AHCTF1: variants seen among roughly 807,000 people sequenced by gnomAD.
AHCTF1 encodes the protein AT-hook containing transcription factor 1, also known as protein ELYS.
AHCTF1 carries 24 observed loss-of-function variants against 248.4 expected under a neutral mutation model. The ratio of observed to expected loss-of-function variants is 0.10; its 90% CI spans 0.07 to 0.14. The LOEUF is 0.14. Among genes scored for constraint, AHCTF1 ranks in the 10% least tolerant of loss-of-function variants. The probability of loss-of-function intolerance (pLI) is 1.00; values close to 1 mark genes in which losing one functional copy is unlikely to be tolerated. For missense variants in AHCTF1, 2,206 were observed against 2,636.2 expected (o/e 0.84, Z 3.57); for synonymous variants, 786 against 929.8 (o/e 0.85, Z 2.81).
At chr1:246,867,191 T>C in intron 26 of AHCTF1, 53 bp downstream of exon 26, 5 of 926,680 alleles carry the variant, frequency 5.4e-6, no homozygotes, top group South Asian at 5.3e-5. Flanking sequence ...AAAATTACAA[T>C]TGTAACTATC....
chr1:246,898,337 C>A lies in AHCTF1; in HGVS notation c.1495-1G>T. 1 of 1,611,020 alleles carries A rather than the reference C, an allele frequency of 6.2e-7. No homozygotes were observed. Among genetic ancestry groups the A allele is most frequent in the South Asian group, 1.1e-5 (1 of 90,204 alleles). On this transcript the variant is annotated splice_acceptor_variant, in intron 11 of 35. Transcript: ENST00000648844. LOFTEE classifies it high-confidence loss of function. ...CTGATTTCTTTAAAAAAGTCAAAGT[C>A]TGTAACAGATAAATTAGTAAGGCAT...
chr1:246,856,094 G>A (rs912527383), intron 30 of AHCTF1, among the ~76,000 whole-genome samples: 3 of 152,176 alleles, frequency 2.0e-5, no homozygotes, highest in Admixed American at 6.5e-5. Flanking sequence ...ATTTTAAAAT[G>A]CCTGTCAGTA....
At position 246,877,009 on chromosome 1, in the gene AHCTF1, G is replaced by C; in HGVS notation, c.2878C>G (p.Gln960Glu). 6.2e-7 allele frequency: 1 copy of C among 1,612,104 alleles called. No homozygotes were observed. The highest frequency in any genetic ancestry group is 8.5e-7 in the Non-Finnish European group (1 of 1,179,934). ...NHEFLLVHHL[Q>E]RANYVPALKL... ...AAGGCAGGCACATAATTGGCACGCT[G>C]CAAATGGTGCACTAAAAGGAATTCA... is the stretch of plus-strand genomic sequence containing the variant. The change falls in exon 23 of 36, where the codon CAG (glutamine) becomes GAG (glutamate). Residue 960 changes from glutamine to glutamate, a missense_variant. Transcript: ENST00000648844.
intron 1 of AHCTF1, among the ~76,000 whole-genome samples, chr1:246,923,093 T>C (rs1666685046): frequency 7.0e-6 from 1 of 143,468 alleles, no homozygotes; most frequent in African/African-American, 2.7e-5. Flanking sequence ...AAGAAGTTAT[T>C]TAATCAAATA....
chr1:246,843,452 G>A (rs966643023), intron 34 of AHCTF1, among the ~76,000 whole-genome samples: 38 of 152,084 alleles, frequency 2.5e-4, no homozygotes, highest in Admixed American at 5.9e-4. Flanking sequence ...TAAGGGACTC[G>A]CACTCAATCC....
At chr1:246,886,539 T>C (rs556385847) in intron 20 of AHCTF1, among the ~76,000 whole-genome samples, 1 of 152,182 alleles carries the variant, frequency 6.6e-6, no homozygotes, top group African/African-American at 2.4e-5. Context: ...TAGTGTAACA[T>C]CTAGGGAATA....
intron 34 of AHCTF1, among the ~76,000 whole-genome samples, 168 bp downstream of exon 34, chr1:246,843,627 A>G (rs1660030270): frequency 1.3e-5 from 2 of 152,174 alleles, no homozygotes; most frequent in African/African-American, 4.8e-5. Context: ...GGTGGATACG[A>G]CCATTTTTGG....
intron 33 of AHCTF1, among the ~76,000 whole-genome samples, chr1:246,847,047 G>A (rs560872835): frequency 1.3e-5 from 2 of 152,290 alleles, no homozygotes; most frequent in South Asian, 4.1e-4. Context: ...AGCACTTTGG[G>A]AGGCCAAGGC....
chr1:246,861,409 C>T, intron 28 of AHCTF1, 114 bp from the exon 29 acceptor site: 13 of 977,714 alleles, frequency 1.3e-5, no homozygotes, highest in Non-Finnish European at 1.9e-5. Context: ...TACCCAAATT[C>T]TCTCCTTAAT....
At chr1:246,912,303 C>A (rs1196815204) in intron 4 of AHCTF1, among the ~76,000 whole-genome samples, 1 of 151,348 alleles carries the variant, frequency 6.6e-6, no homozygotes, top group Non-Finnish European at 1.5e-5. Context: ...GGTGAAACCC[C>A]ATCTCTACTA....
chr1:246,887,398 A>G, intron 19 of AHCTF1, 41 bp from the exon 20 acceptor site: 1 of 1,559,294 alleles, frequency 6.4e-7, no homozygotes, highest in Non-Finnish European at 8.7e-7. Context: ...TACAACAACA[A>G]AAACCTCCTA....
chr1:246,897,470 T>A (rs958820446), intron 12 of AHCTF1, among the ~76,000 whole-genome samples: 1 of 152,338 alleles, frequency 6.6e-6, no homozygotes, highest in East Asian at 1.9e-4. Flanking sequence ...GGGGATACAT[T>A]CCGATGAATG....
At chr1:246,905,468 G>C in intron 6 of AHCTF1, 73 bp downstream of exon 6, 1 of 1,264,582 alleles carries the variant, frequency 7.9e-7, no homozygotes, top group South Asian at 1.2e-5. Flanking sequence ...CTGCACTCCA[G>C]CCTGGACAAC....
intron 4 of AHCTF1, among the ~76,000 whole-genome samples, chr1:246,909,646 A>G (rs937558639): frequency 6.6e-6 from 1 of 152,296 alleles, no homozygotes; most frequent in South Asian, 2.1e-4. Context: ...AGATATGCCA[A>G]AGAGAAGCTG....
intron 10 of AHCTF1, among the ~76,000 whole-genome samples, 192 bp downstream of exon 10, chr1:246,899,873 G>C (rs1664871620): frequency 6.7e-6 from 1 of 148,232 alleles, no homozygotes; most frequent in South Asian, 2.1e-4. Flanking sequence ...ATATCTCCAA[G>C]TCATAATTCC....
chr1:246,876,833 T>C, intron 23 of AHCTF1, 117 bp downstream of exon 23: 1 of 1,271,096 alleles, frequency 7.9e-7, no homozygotes, highest in East Asian at 2.3e-5. Flanking sequence ...ATTCTCCAAG[T>C]TCAAGGTAAT....
rs982167285 is a variant in AHCTF1, at chr1:246,895,819, G to A, written c.1714+16C>T. 4.4e-6 allele frequency: 7 copies of A among 1,577,146 alleles called. No homozygotes were observed. Among genetic ancestry groups the A allele is most frequent in the Non-Finnish European group, 6.1e-6 (7 of 1,155,602 alleles). On this transcript the variant is annotated intron_variant, in intron 13 of 35. Coordinates refer to ENST00000648844, the MANE Select transcript of AHCTF1 (RefSeq NM_001323342.2). Reference sequence around the variant, plus strand: ...TTTAAAAATACCAAACATTTTACTTGTTATCAGAATCTTACCTTCTGTTAT... The same window carrying A: ...TTTAAAAATACCAAACATTTTACTTATTATCAGAATCTTACCTTCTGTTAT...
chr1:246,890,135 G>A (rs1664121289), intron 16 of AHCTF1, 76 bp from the exon 17 acceptor site: 2 of 1,071,424 alleles, frequency 1.9e-6, no homozygotes, highest in Middle Eastern at 2.1e-4. Context: ...ATATTTTACT[G>A]TAATTTAATA....
rs935091683 is a variant in AHCTF1, at chr1:246,898,102, C to G, written c.1623+106G>C. 22 of 1,484,938 alleles carry G rather than the reference C, an allele frequency of 1.5e-5. No individual in the cohort carries two copies. The East Asian group carries it at 5.1e-4, about 34-fold the overall frequency. The allele number at this position is 1,484,938 out of a possible 1,614,324, so 92.0% of individuals were successfully genotyped here. On this transcript the variant is annotated intron_variant, in intron 12 of 35. Transcript: ENST00000648844. ...CTGATCACCCAGAGTCAGCATTACA[C>G]TACTTCACCTATTTTTGCAGAAATT...
Sources: allele counts gnomAD v4.1 joint callset (sites outside exome capture counted in the v4.1 genomes callset), GRCh38; gene constraint gnomAD v4.1.1; transcripts MANE v1.5; gene names NCBI Gene and HGNC (gene_info 2026-07-23, HGNC 2026-07-21).